The following RGS14 variants were observed in gnomAD, a reference collection of about 807,000 sequenced individuals.
RGS14 encodes the protein regulator of G-protein signaling 14.
A neutral mutation model predicts 63.8 loss-of-function variants in RGS14; 33 were observed. The ratio of observed to expected loss-of-function variants is 0.52; its 90% confidence interval spans 0.39 to 0.69. RGS14 has a LOEUF of 0.69. Among genes scored for constraint, RGS14 ranks in the 30% least tolerant of loss-of-function variants. RGS14 has a pLI of 0.00. For missense variants in RGS14, 739 were observed against 742.9 expected, an observed-to-expected ratio of 0.99 and a Z score of 0.06; for synonymous variants, 296 against 320.9, an observed-to-expected ratio of 0.92 and a Z score of 0.83.
rs147180797 is a variant in RGS14, at chr5:177,370,233, C to T, written c.1054-358C>T. 2.0e-4 allele frequency among the ~76,000 whole-genome samples: 31 copies of T among 152,314 alleles called. 1 individual carries two copies. Among genetic ancestry groups the T allele is most frequent in the Admixed American group, 1.4e-3 (21 of 15,304 alleles). On this transcript the variant is annotated intron_variant, in intron 9 of 14. Transcript: ENST00000408923. ...TCGGATTTCACACACCTGAGGGACA[C>T]GAGACAGCTGTCCTGGAGGCAGAGC...
At position 177,358,046 on chromosome 5, in the gene RGS14, C is replaced by A; in HGVS notation, c.22C>A (p.Leu8Met). Residue 8 changes from leucine to methionine, a missense_variant, in exon 1 of 15, where the codon CTG becomes ATG. By Grantham distance (15) the Leu-to-Met change is conservative. Coordinates refer to ENST00000408923, the MANE Select transcript of RGS14 (RefSeq NM_006480.5). This position sits in a 1 kb window ranked among gnomAD's most constrained non-coding sequence, Gnocchi z 4.8. Reference sequence around the variant, plus strand: ...CGGCATGCCAGGGAAGCCCAAGCACCTGGGCGTCCCCAACGGGCGCATGGT... The same window carrying A: ...CGGCATGCCAGGGAAGCCCAAGCACATGGGCGTCCCCAACGGGCGCATGGT... MPGKPKH[L>M]GVPNGRMVLA... The A allele has an allele frequency of 7.4e-7, 1 of 1,356,604 alleles. No individual in the cohort carries two copies. Among genetic ancestry groups the A allele is most frequent in the Non-Finnish European group, 9.6e-7 (1 of 1,044,718 alleles). 84.0% of individuals were successfully genotyped at this position (1,356,604 alleles called of 1,614,324 possible). A position where few individuals can be genotyped will look rare whatever the true frequency, so the allele number is the denominator to read the frequency against.
At position 177,367,746 on chromosome 5, in the gene RGS14, G is replaced by A. The variant is rs770834079; in HGVS notation, c.660G>A (p.Pro220=). ...KPKLKPGKSL[P]LGVEELGQLP... ...AGCTGAAGCCCGGGAAGTCGCTGCC[G>A]CTGGGTGTGGAGGAGTTGGGGCAGC... Residue 220 remains proline (P), a synonymous_variant, in exon 7 of 15, where the codon CCG becomes CCA. Coordinates refer to ENST00000408923, the MANE Select transcript of RGS14 (RefSeq NM_006480.5). The A allele has an allele frequency of 6.2e-7, 1 of 1,613,094 alleles. No homozygotes were observed. The highest frequency in any genetic ancestry group is 8.5e-7 in the Non-Finnish European group (1 of 1,179,738).
intron 9 of RGS14, among the ~76,000 whole-genome samples, chr5:177,369,624 A>G (rs528138786): frequency 6.6e-6 from 1 of 152,366 alleles, no homozygotes. Context: ...GGTGTCCGGA[A>G]GGCTTCATGG....
intron 1 of RGS14, among the ~76,000 whole-genome samples, chr5:177,362,987 G>T (rs1762002079): frequency 6.6e-6 from 1 of 152,176 alleles, no homozygotes; most frequent in Non-Finnish European, 1.5e-5. Flanking sequence ...GCGCGAGGAG[G>T]GCAGGGCCAA....
At position 177,365,969 on chromosome 5, in the gene RGS14, G is replaced by T. The variant is rs757515835; in HGVS notation, c.52G>T (p.Ala18Ser). The T allele has an allele frequency of 3.7e-6, 6 of 1,614,158 alleles. No individual in the cohort carries two copies. In the Admixed American group the frequency reaches 1.0e-4, roughly 27 times the overall value. Residue 18 changes from alanine (A) to serine (S), a missense_variant, in exon 2 of 15, where the codon GCT (alanine) becomes TCT (serine). Physicochemically the swap from Ala to Ser is moderately conservative, Grantham distance 99 (BLOSUM62 1). Transcript: ENST00000408923. Reference protein sequence around the residue: ...LGVPNGRMVLAVSDGELSSTT... With the variant: ...LGVPNGRMVLSVSDGELSSTT... ...TCTGTTGGGTCTCTTATAGGTTCTG[G>T]CTGTGTCAGATGGAGGTAAGTGACA...
chr5:177,372,297 C>T lies in RGS14; in HGVS notation c.*222C>T, dbSNP rs1403285529. The T allele has an allele frequency of 1.5e-5, 8 of 551,178 alleles. No homozygotes were observed. Among genetic ancestry groups the T allele is most frequent in the Non-Finnish European group, 2.6e-5 (8 of 310,162 alleles). The allele number at this position is 551,178 out of a possible 1,614,324, so 34.1% of individuals were successfully genotyped here. ...CAACAAGCTCACCCCCAATCCCTTG[C>T]AGCCAGGCCACAATGGGGGAGGTGA... On this transcript the variant is annotated 3_prime_UTR_variant, in exon 15 of 15. Transcript: ENST00000408923.
At chr5:177,362,754 A>G (rs1761996076) in intron 1 of RGS14, among the ~76,000 whole-genome samples, 2 of 152,034 alleles carry the variant, frequency 1.3e-5, no homozygotes, top group Admixed American at 6.5e-5. Context: ...TGGCAACCGC[A>G]ACGTGCCTCC....
chr5:177,363,357 C>G (rs1289554317), intron 1 of RGS14, among the ~76,000 whole-genome samples: 1 of 152,074 alleles, frequency 6.6e-6, no homozygotes. Context: ...CCCGACGCCC[C>G]GCCCAGCGCG....
rs774054894 is a variant in RGS14 at position 177,371,064 on chromosome 5, G to C, written c.1254+33G>C. The C allele has an allele frequency of 4.8e-4, 362 of 758,512 alleles. 8 individuals are homozygous for C. The African/African-American group carries it at 0.01, about 22-fold the overall frequency. 47.0% of individuals were successfully genotyped at this position (758,512 alleles called of 1,614,324 possible). A position where few individuals can be genotyped will look rare whatever the true frequency, so the allele number is the denominator to read the frequency against. On this transcript the variant is annotated intron_variant, in intron 11 of 14. Transcript: ENST00000408923. This position sits in a 1 kb window ranked among gnomAD's most constrained non-coding sequence, Gnocchi z 6.1. ...TCCGGGCCGCGGGGCGGGGCGGGGC[G>C]GGGCCGGGCCGGGGCCGGGGCCGGG...
chr5:177,361,569 T>C (rs4976646), intron 1 of RGS14, among the ~76,000 whole-genome samples: 61,639 of 151,944 alleles, frequency 0.41, 13,398 homozygotes, highest in African/African-American at 0.56. Flanking sequence ...ATCTCAGTTC[T>C]GCCACATCTC....
rs911483917 is a variant in RGS14 at position 177,372,409 on chromosome 5, G to T, written c.*334G>T. ...CCCAGCCTGTGCCAAGCTTCAACAG[G>T]GGCAAGAGGAGGGGCCGGCCCCTCC... On this transcript the variant is annotated 3_prime_UTR_variant, in exon 15 of 15. Transcript: ENST00000408923. 5.5e-5 allele frequency: 16 copies of T among 289,972 alleles called. No homozygotes were observed. The highest frequency in any genetic ancestry group is 9.7e-5 in the Non-Finnish European group (15 of 154,284). 18.0% of individuals were successfully genotyped at this position (289,972 alleles called of 1,614,324 possible). A position where few individuals can be genotyped will look rare whatever the true frequency, so the allele number is the denominator to read the frequency against.
chr5:177,365,880 C>T (rs1561614845), intron 1 of RGS14, 83 bp from the exon 2 acceptor site: 1 of 1,432,090 alleles, frequency 7.0e-7, no homozygotes, highest in Non-Finnish European at 9.9e-7. Context: ...AACGCAGTTC[C>T]AGCTCCTGGG....
Position 177,358,481 on chromosome 5 carries a change from C to A in RGS14, c.45+412C>A, listed in dbSNP as rs1761878661. On this transcript the variant is annotated intron_variant, in intron 1 of 14. Transcript: ENST00000408923. This position sits in a 1 kb window ranked among gnomAD's most constrained non-coding sequence, Gnocchi z 4.8. ...ACCCCCTGCTCCAGGTGCCCAAGGT[C>A]ATGTTAGTGGCAGCTCTTGCTGGGT... Among the ~76,000 whole-genome samples the A allele has an allele frequency of 6.6e-6, 1 of 152,208 alleles. No individual in the cohort carries two copies. Among genetic ancestry groups the A allele is most frequent in the Non-Finnish European group, 1.5e-5 (1 of 68,032 alleles).
At chr5:177,368,663 G>A in intron 8 of RGS14, 54 bp from the exon 9 acceptor site, 1 of 1,573,910 alleles carries the variant, frequency 6.4e-7, no homozygotes, top group Non-Finnish European at 8.7e-7. Flanking sequence ...GTGTACCTGT[G>A]TGCATGCCCT....
chr5:177,368,723 CG>C lies in RGS14; in HGVS notation c.858del (p.Lys287ArgfsTer93). On this transcript the variant is annotated frameshift_variant, in exon 9 of 15. Coordinates refer to ENST00000408923, the MANE Select transcript of RGS14 (RefSeq NM_006480.5). LOFTEE classifies it high-confidence loss of function. The part of the protein sequence containing the change: ...AFVSSKSESH[R>X]KSLGSTEGES... The stretch of plus-strand genomic sequence containing the variant: ...CACTCCTGCCATGAATCAGAGCCAC[CG>C]GAAGAGCCTTGGGAGCACGGAGGGT... 6.2e-7 allele frequency: 1 copy of C among 1,614,026 alleles called. No homozygotes were observed. Among genetic ancestry groups the C allele is most frequent in the Non-Finnish European group, 8.5e-7 (1 of 1,179,946 alleles).
Position 177,371,291 on chromosome 5 carries a change from C to G in RGS14, c.1336+45C>G. The stretch of plus-strand genomic sequence containing the variant: ...GGGCTTGATCTGGAACAGCTGTGGC[C>G]CAGGAGGAAGGGGGTCCAGGTGGGA... On this transcript the variant is annotated intron_variant, in intron 12 of 14. Coordinates refer to ENST00000408923, the MANE Select transcript of RGS14 (RefSeq NM_006480.5). The surrounding 1 kb of genome is among the most constrained non-coding windows in gnomAD (Gnocchi z 6.1). The G allele has an allele frequency of 6.2e-7, 1 of 1,613,948 alleles. No individual in the cohort carries two copies. Among genetic ancestry groups the G allele is most frequent in the Non-Finnish European group, 8.5e-7 (1 of 1,179,898 alleles).
chr5:177,371,725 G>A lies in RGS14; in HGVS notation c.1498+136G>A, dbSNP rs1283060802. ...GCGTGGAACAGGAAGGATGGGGGTT[G>A]GGGGGTCAAAGGGGCTGGAACAGGG... On this transcript the variant is annotated intron_variant, in intron 14 of 14. Transcript: ENST00000408923. This position sits in a 1 kb window ranked among gnomAD's most constrained non-coding sequence, Gnocchi z 6.1. The A allele has an allele frequency of 1.4e-4, 166 of 1,206,736 alleles. No individual in the cohort carries two copies. The African/African-American group carries it at 2.3e-3, about 17-fold the overall frequency. 74.8% of individuals were successfully genotyped at this position (1,206,736 alleles called of 1,614,324 possible). A position where few individuals can be genotyped will look rare whatever the true frequency, so the allele number is the denominator to read the frequency against.
intron 1 of RGS14, among the ~76,000 whole-genome samples, chr5:177,361,453 G>A (rs1025671693): frequency 2.0e-5 from 3 of 152,160 alleles, no homozygotes; most frequent in Admixed American, 2.0e-4. Flanking sequence ...TGTGCCCCAA[G>A]GGCTGAGGCC....
chr5:177,372,382 T>G lies in RGS14; in HGVS notation c.*307T>G. On this transcript the variant is annotated 3_prime_UTR_variant, in exon 15 of 15. Transcript: ENST00000408923. ...AGGGATGGCGTTGGCAGTGCCAGCC[T>G]CCCCAGCCTGTGCCAAGCTTCAACA... 1.9e-5 allele frequency: 6 copies of G among 322,764 alleles called. No individual in the cohort carries two copies. The highest frequency in any genetic ancestry group is 2.9e-5 in the Non-Finnish European group (5 of 174,762). 20.0% of individuals were successfully genotyped at this position (322,764 alleles called of 1,614,324 possible).
Sources: gnomAD v4.1 joint callset for allele counts (sites outside exome capture counted in the v4.1 genomes callset) on GRCh38, gnomAD v4.1.1 for gene constraint, Gnocchi (gnomAD v3.1) non-coding constraint, MANE v1.5 for transcripts, NCBI Gene and HGNC (gene_info 2026-07-23, HGNC 2026-07-21) for gene names.